PHF21B: variants seen among roughly 807,000 people sequenced by gnomAD.
PHF21B encodes PHD finger protein 21B, also known as PHD finger protein 4.
A neutral mutation model predicts 62.2 loss-of-function variants in PHF21B; 22 were observed. That is an observed-to-expected ratio of 0.35 (90% CI 0.25 to 0.51). The LOEUF is 0.51. Among genes scored for constraint, PHF21B ranks in the 20% least tolerant of loss-of-function variants. The pLI is 0.97. For synonymous variants in PHF21B, 341 were observed against 314.7 expected (o/e 1.08, Z -0.88); for missense variants, 701 against 707.9 (o/e 0.99, Z 0.11).
At chr22:44,924,038 AAG>A (rs898655801) in intron 2 of PHF21B, among the ~76,000 whole-genome samples, 4 of 122,780 alleles carry the variant, frequency 3.3e-5, no homozygotes, top group African/African-American at 9.1e-5. Flanking sequence ...AGAAAGAAGA[AAG>A]AGGAGGAAGA....
At chr22:44,976,789 AC>A (rs571824974) in intron 2 of PHF21B, among the ~76,000 whole-genome samples, 4 of 152,334 alleles carry the variant, frequency 2.6e-5, no homozygotes, top group Non-Finnish European at 5.9e-5. Flanking sequence ...AGGTTCTAAA[AC>A]GTGTAACATT....
intron 2 of PHF21B, among the ~76,000 whole-genome samples, chr22:44,960,399 C>A (rs932675824): frequency 6.6e-6 from 1 of 152,186 alleles, no homozygotes; most frequent in Non-Finnish European, 1.5e-5. Context: ...CAAAGCCCCC[C>A]ACTCCTGTCC....
chr22:44,902,308 T>C (rs1055931437), intron 5 of PHF21B: 13 of 310,284 alleles, frequency 4.2e-5, no homozygotes, highest in South Asian at 3.0e-4. Flanking sequence ...AGGTTGATCA[T>C]CAAAAAGCTG....
intron 2 of PHF21B, among the ~76,000 whole-genome samples, chr22:44,974,777 T>C (rs1348620227): frequency 6.6e-6 from 1 of 152,230 alleles, no homozygotes; most frequent in Non-Finnish European, 1.5e-5. Context: ...AGCGTGAATA[T>C]GATTTAGATC....
chr22:44,940,944 A>G (rs1026477649), intron 2 of PHF21B, among the ~76,000 whole-genome samples: 1 of 152,192 alleles, frequency 6.6e-6, no homozygotes, highest in African/African-American at 2.4e-5. Flanking sequence ...ATGTAATTTT[A>G]ATTTCCATTA....
intron 7 of PHF21B, among the ~76,000 whole-genome samples, chr22:44,892,530 G>A (rs1569210203): frequency 6.6e-6 from 1 of 152,252 alleles, no homozygotes; most frequent in Non-Finnish European, 1.5e-5. Flanking sequence ...AGGTGAGACA[G>A]CACTTTCCTC....
intron 5 of PHF21B, chr22:44,902,430 AT>A: frequency 4.5e-6 from 1 of 222,946 alleles, no homozygotes; most frequent in Admixed American, 4.8e-5. Context: ...GGTGTTCTAA[AT>A]TTCTTAAGAA....
At chr22:44,923,025 G>T (rs1352587405) in intron 2 of PHF21B, among the ~76,000 whole-genome samples, 2 of 151,934 alleles carry the variant, frequency 1.3e-5, no homozygotes, top group Non-Finnish European at 2.9e-5. Context: ...CCAAAACTAT[G>T]AAACAAACAA....
intron 2 of PHF21B, among the ~76,000 whole-genome samples, chr22:44,970,137 A>G (rs2072609662): frequency 6.6e-6 from 1 of 152,220 alleles, no homozygotes; most frequent in Non-Finnish European, 1.5e-5. Flanking sequence ...GGCTTATCGG[A>G]GATGCATGGC....
At chr22:44,961,172 G>A (rs1274787526) in intron 2 of PHF21B, among the ~76,000 whole-genome samples, 1 of 151,888 alleles carries the variant, frequency 6.6e-6, no homozygotes, top group Non-Finnish European at 1.5e-5. Flanking sequence ...GGCCAGGATG[G>A]TCTCAATCTC....
intron 2 of PHF21B, among the ~76,000 whole-genome samples, chr22:44,973,620 C>T (rs961860272): frequency 2.0e-5 from 3 of 151,940 alleles, no homozygotes; most frequent in Non-Finnish European, 4.4e-5. Flanking sequence ...CTTCAGAAAC[C>T]CCACCAGGGT....
chr22:45,008,743 G>A, intron 1 of PHF21B, 133 bp from the exon 2 acceptor site: 1 of 1,152,198 alleles, frequency 8.7e-7, no homozygotes, highest in Non-Finnish European at 1.1e-6. Flanking sequence ...AGTTTCCCGG[G>A]CCGCGTCCTG....
chr22:44,936,870 C>CTTTTTTTTTTTTT (rs370585353), intron 2 of PHF21B, among the ~76,000 whole-genome samples: 1 of 128,654 alleles, frequency 7.8e-6, no homozygotes, highest in East Asian at 2.3e-4. Flanking sequence ...CACTTTCTTT[C>CTTTTTTTTTTTTT]TTTTTTTTTT....
chr22:44,914,748 G>GC (rs1032942799), intron 4 of PHF21B, among the ~76,000 whole-genome samples: 3 of 152,316 alleles, frequency 2.0e-5, no homozygotes, highest in Middle Eastern at 3.4e-3. Context: ...CCCTGCAGCA[G>GC]CCCCCCTTAG....
At position 44,882,562 on chromosome 22, in the gene PHF21B, C is replaced by T. The variant is rs1415934166; in HGVS notation, c.*524G>A. The T allele has an allele frequency of 1.9e-5, 2 of 106,842 alleles. No homozygotes were observed. The highest frequency in any genetic ancestry group is 2.3e-4 in the Admixed American group (2 of 8,700). 6.6% of individuals were successfully genotyped at this position (106,842 alleles called of 1,614,324 possible). ...GGCCCGCCCGCCCACCCCAGGGGGA[C>T]CTCCTAGGAGCGTGGGGCATTGAGG... is the stretch of plus-strand genomic sequence containing the variant. On this transcript the variant is annotated 3_prime_UTR_variant, in exon 13 of 13. Coordinates refer to ENST00000313237, the MANE Select transcript of PHF21B (RefSeq NM_138415.5).
intron 7 of PHF21B, 122 bp from the exon 8 acceptor site, chr22:44,891,482 C>G: frequency 8.7e-7 from 1 of 1,148,668 alleles, no homozygotes; most frequent in East Asian, 2.5e-5. Context: ...CAGGCTCTGG[C>G]TGGACACCCC....
At chr22:44,994,703 C>T (rs1329940604) in intron 2 of PHF21B, among the ~76,000 whole-genome samples, 4 of 152,282 alleles carry the variant, frequency 2.6e-5, no homozygotes, top group African/African-American at 9.6e-5. Context: ...GCAGCCTGGC[C>T]CAGTGCTTCA....
chr22:44,957,420 G>A (rs938496011), intron 2 of PHF21B, among the ~76,000 whole-genome samples: 1 of 152,206 alleles, frequency 6.6e-6, no homozygotes, highest in Admixed American at 6.5e-5. Context: ...GCTGGCATGC[G>A]GGCCCCTCAC....
chr22:44,894,351 C>T (rs938765252), intron 6 of PHF21B, among the ~76,000 whole-genome samples: 4 of 152,164 alleles, frequency 2.6e-5, no homozygotes, highest in African/African-American at 9.7e-5. Context: ...ACCAACTCCA[C>T]GAAGTTTACA....
Sources: gnomAD v4.1 joint callset for allele counts (sites outside exome capture counted in the v4.1 genomes callset) on GRCh38, gnomAD v4.1.1 for gene constraint, MANE v1.5 for transcripts, NCBI Gene and HGNC (gene_info 2026-07-23, HGNC 2026-07-21) for gene names.